Variants in SPINK14 observed in about 807,000 individuals in gnomAD.
SPINK14 encodes serine protease inhibitor Kazal-type 14.
SPINK14 carries 6 observed loss-of-function variants against 14.2 expected under a neutral mutation model. The ratio of observed to expected loss-of-function variants is 0.42; its 90% CI spans 0.23 to 0.83. SPINK14 has a LOEUF of 0.83. Among genes scored for constraint, SPINK14 ranks in the 40% least tolerant of loss-of-function variants. The pLI is 0.28. For synonymous variants in SPINK14, 34 were observed against 36.8 expected, an observed-to-expected ratio of 0.92 and a Z score of 0.27; for missense variants, 86 against 108.3, an observed-to-expected ratio of 0.79 and a Z score of 0.91.
intron 1 of SPINK14, 56 bp from the exon 2 acceptor site, chr5:148,169,605 T>G: frequency 1.6e-6 from 1 of 641,878 alleles, no homozygotes; most frequent in Non-Finnish European, 2.7e-6. Context: ...ATGGGTGGAG[T>G]AGAGATGGCT....
intron 3 of SPINK14, among the ~76,000 whole-genome samples, chr5:148,173,780 T>C (rs1372117020): frequency 1.0e-5 from 1 of 95,514 alleles, no homozygotes. Context: ...TATATATAGG[T>C]TCTAGTTCCA....
intron 2 of SPINK14, 99 bp downstream of exon 2, chr5:148,169,898 G>T: frequency 1.2e-6 from 1 of 834,140 alleles, no homozygotes; most frequent in East Asian, 2.9e-5. Flanking sequence ...TCTTTAACTG[G>T]GATGAATATA....
chr5:148,171,077 T>C (rs951773030), intron 3 of SPINK14, 104 bp downstream of exon 3: 3 of 1,085,214 alleles, frequency 2.8e-6, no homozygotes, highest in African/African-American at 3.2e-5. Flanking sequence ...TCACCCGTAA[T>C]AGTCTTCAAG....
At chr5:148,174,436 C>A in intron 4 of SPINK14, 66 bp downstream of exon 4, 2 of 906,276 alleles carry the variant, frequency 2.2e-6, no homozygotes, top group Non-Finnish European at 1.6e-6. Flanking sequence ...TACCATCTAC[C>A]CTTCCTATCA....
At chr5:148,172,246 G>A (rs76001565) in intron 3 of SPINK14, among the ~76,000 whole-genome samples, 5,193 of 152,174 alleles carry the variant, frequency 0.034, 319 homozygotes, top group African/African-American at 0.12. Flanking sequence ...CAGGTGAAGA[G>A]GGGGGAGAAA....
intron 1 of SPINK14, 30 bp from the exon 2 acceptor site, chr5:148,169,631 C>A: frequency 1.1e-6 from 1 of 881,398 alleles, no homozygotes; most frequent in South Asian, 1.7e-5. Flanking sequence ...TTGTAAAAGT[C>A]ATCTTAAATC....
At chr5:148,170,173 T>TATACACACACAC (rs1554109827) in intron 2 of SPINK14, among the ~76,000 whole-genome samples, 2 of 133,848 alleles carry the variant, frequency 1.5e-5, no homozygotes, top group African/African-American at 5.9e-5. Flanking sequence ...TATATATATA[T>TATACACACACAC]ACACACACAC....
chr5:148,171,747 C>T (rs1366226808), intron 3 of SPINK14, among the ~76,000 whole-genome samples: 1 of 152,064 alleles, frequency 6.6e-6, no homozygotes, highest in East Asian at 1.9e-4. Context: ...TTGAGGGCAG[C>T]TCTACCTTCA....
At chr5:148,174,750 G>T (rs1755146289) in intron 4 of SPINK14, among the ~76,000 whole-genome samples, 1 of 152,080 alleles carries the variant, frequency 6.6e-6, no homozygotes, top group African/African-American at 2.4e-5. Flanking sequence ...TTGAAACTCT[G>T]AACTACAATG....
At position 148,174,676 on chromosome 5, in the gene SPINK14, A is replaced by ATT. The variant is rs58166614; in HGVS notation, c.248+311_248+312dup. ...CAAATATCCCTTCAGGCCCTGAATTATTTTTTATTTTAAGAAAAATTGTAG... is the reference window on the plus strand; with the variant it reads ...CAAATATCCCTTCAGGCCCTGAATTATTTTTTTTATTTTAAGAAAAATTGTAG... On this transcript the variant is annotated intron_variant, in intron 4 of 4. Coordinates refer to ENST00000356972, the MANE Select transcript of SPINK14 (RefSeq NM_001001325.2). Among the ~76,000 whole-genome samples, 2 of 86,220 alleles carry ATT rather than the reference A, an allele frequency of 2.3e-5. 1 individual carries two copies. The highest frequency in any genetic ancestry group is 5.0e-5 in the Non-Finnish European group (2 of 39,852). 56.6% of individuals were successfully genotyped at this position (86,220 alleles called of 152,430 possible). A position where few individuals can be genotyped will look rare whatever the true frequency, so the allele number is the denominator to read the frequency against.
Position 148,175,385 on chromosome 5 carries a change from A to T in SPINK14, c.281A>T (p.Asp94Val). The change falls in exon 5 of 5, where the codon GAT becomes GTT. Residue 94 changes from aspartate (D) to valine (V), a missense_variant. Coordinates refer to ENST00000356972, the MANE Select transcript of SPINK14 (RefSeq NM_001001325.2). ...KSHGRIRFYH[D>V]GKC ...CATGGAAGAATCAGGTTTTACCATGATGGAAAATGTTAGCTGAGTGGACTT... is the reference window on the plus strand; with the variant it reads ...CATGGAAGAATCAGGTTTTACCATGTTGGAAAATGTTAGCTGAGTGGACTT... 6.2e-7 allele frequency: 1 copy of T among 1,606,314 alleles called. No individual in the cohort carries two copies. Among genetic ancestry groups the T allele is most frequent in the Non-Finnish European group, 8.5e-7 (1 of 1,174,936 alleles).
At position 148,175,424 on chromosome 5, in the gene SPINK14, A is replaced by T; in HGVS notation, c.*26A>T. The T allele has an allele frequency of 6.6e-7, 1 of 1,514,426 alleles. No homozygotes were observed. Among genetic ancestry groups the T allele is most frequent in the Non-Finnish European group, 8.9e-7 (1 of 1,117,536 alleles). 93.8% of individuals were successfully genotyped at this position (1,514,426 alleles called of 1,614,324 possible). On this transcript the variant is annotated 3_prime_UTR_variant, in exon 5 of 5. Coordinates refer to ENST00000356972, the MANE Select transcript of SPINK14 (RefSeq NM_001001325.2). ...CTGAGTGGACTTGAATGTGGAAGAT[A>T]TCTTCTTTTTTTTTTCCTCCATGTC...
chr5:148,169,863 C>A, intron 2 of SPINK14, 64 bp downstream of exon 2: 1 of 1,338,514 alleles, frequency 7.5e-7, no homozygotes, highest in Non-Finnish European at 1.1e-6. Context: ...ACATCATAAT[C>A]TGAGAGAGAA....
intron 4 of SPINK14, among the ~76,000 whole-genome samples, chr5:148,174,800 G>A (rs1012630973): frequency 1.3e-5 from 2 of 152,144 alleles, no homozygotes; most frequent in Non-Finnish European, 2.9e-5. Flanking sequence ...AGCTGAGACA[G>A]TGTTTAGATT....
chr5:148,170,895 A>G, intron 2 of SPINK14, 35 bp from the exon 3 acceptor site: 2 of 1,585,140 alleles, frequency 1.3e-6, no homozygotes, highest in Middle Eastern at 1.7e-4. Flanking sequence ...TTTAACAGGA[A>G]TTAAATTCTG....
At chr5:148,170,310 G>T (rs1755088275) in intron 2 of SPINK14, among the ~76,000 whole-genome samples, 1 of 151,888 alleles carries the variant, frequency 6.6e-6, no homozygotes, top group Non-Finnish European at 1.5e-5. Context: ...TGAGGGCAAG[G>T]AGGCTTGGGT....
In SPINK14 at chr5:148,174,566, C is replaced by G. The variant is rs544772126; in HGVS notation, c.248+196C>G. On this transcript the variant is annotated intron_variant, in intron 4 of 4. Coordinates refer to ENST00000356972, the MANE Select transcript of SPINK14 (RefSeq NM_001001325.2). The stretch of plus-strand genomic sequence containing the variant: ...GGACTAGAAAGTAGACTCATTGTAC[C>G]GAATGACATTCCTCAGGTCCGTTCT... Among the ~76,000 whole-genome samples, 158 of 97,938 alleles carry G rather than the reference C, an allele frequency of 1.6e-3. 55 individuals carry two copies. Among genetic ancestry groups the G allele is most frequent in the Non-Finnish European group, 2.4e-3 (108 of 45,382 alleles). 64.3% of individuals were successfully genotyped at this position (97,938 alleles called of 152,430 possible).
At chr5:148,171,320 C>G (rs75134803) in intron 3 of SPINK14, among the ~76,000 whole-genome samples, 5,215 of 152,160 alleles carry the variant, frequency 0.034, 322 homozygotes, top group African/African-American at 0.12. Context: ...CTGATGGAAA[C>G]AATGACTTAA....
chr5:148,169,297 G>T (rs1442685199), intron 1 of SPINK14, among the ~76,000 whole-genome samples: 3 of 150,962 alleles, frequency 2.0e-5, no homozygotes, highest in African/African-American at 7.4e-5. Context: ...TTATTGAGAA[G>T]TTCATGTTGT....
Sources: gnomAD v4.1 joint callset for allele counts (sites outside exome capture counted in the v4.1 genomes callset) on GRCh38, gnomAD v4.1.1 for gene constraint, MANE v1.5 for transcripts, NCBI Gene and HGNC (gene_info 2026-07-23, HGNC 2026-07-21) for gene names.